ZNF654: variants seen among roughly 807,000 people sequenced by gnomAD.
ZNF654 encodes the protein melanoma-associated antigen.
ZNF654 carries 19 observed loss-of-function variants against 95.3 expected under a neutral mutation model. That is an observed-to-expected ratio of 0.20 (90% CI 0.14 to 0.29). The LOEUF (loss-of-function observed/expected upper bound fraction) is 0.29. ZNF654 is among the 10% of genes least tolerant of loss of function. The pLI is 1.00. For missense variants in ZNF654, 1,046 were observed against 1,341.0 expected (o/e 0.78, Z 3.44); for synonymous variants, 413 against 457.9 (o/e 0.90, Z 1.25).
intron 1 of ZNF654, among the ~76,000 whole-genome samples, chr3:88,064,371 C>T (rs1485100644): frequency 2.6e-5 from 4 of 152,106 alleles, no homozygotes; most frequent in African/African-American, 7.2e-5. Context: ...TTTGATTATA[C>T]CCCGTTTTTG....
intron 6 of ZNF654, among the ~76,000 whole-genome samples, chr3:88,134,813 C>A (rs1443457644): frequency 6.6e-6 from 1 of 151,988 alleles, no homozygotes; most frequent in Non-Finnish European, 1.5e-5. Context: ...CTGGAGACAT[C>A]TTAGGTATGC....
intron 2 of ZNF654, among the ~76,000 whole-genome samples, chr3:88,108,418 G>C (rs1187751895): frequency 4.6e-5 from 7 of 152,078 alleles, no homozygotes; most frequent in Non-Finnish European, 1.0e-4. Flanking sequence ...GTTTTCTTTA[G>C]TTTTGTCTGT....
intron 3 of ZNF654, among the ~76,000 whole-genome samples, chr3:88,122,162 T>A (rs1464812305): frequency 6.6e-6 from 1 of 152,070 alleles, no homozygotes; most frequent in Non-Finnish European, 1.5e-5. Flanking sequence ...AGTGGGATTG[T>A]GTAAAGATAG....
At chr3:88,068,565 T>C (rs1341125274) in intron 1 of ZNF654, among the ~76,000 whole-genome samples, 1 of 152,214 alleles carries the variant, frequency 6.6e-6, no homozygotes, top group Non-Finnish European at 1.5e-5. Context: ...ATATTATAAA[T>C]ACTCTTCCCA....
chr3:88,064,163 C>G lies in ZNF654; in HGVS notation c.186+4658C>G, dbSNP rs547976537. ...CAAAAAATAGCAGTCATGCCCTGTC[C>G]TCTTCCTTTCCTACTTCTTATTCTC... is the stretch of plus-strand genomic sequence containing the variant. On this transcript the variant is annotated intron_variant, in intron 1 of 8. Coordinates refer to ENST00000636215, the MANE Select transcript of ZNF654 (RefSeq NM_001350134.2). 2.0e-5 allele frequency among the ~76,000 whole-genome samples: 3 copies of G among 151,194 alleles called. No individual in the cohort carries two copies. In the East Asian group the frequency reaches 5.8e-4, roughly 29 times the overall value.
intron 2 of ZNF654, among the ~76,000 whole-genome samples, chr3:88,101,257 C>T (rs75329932): frequency 1.1e-4 from 17 of 152,242 alleles, no homozygotes; most frequent in African/African-American, 3.4e-4. Context: ...AGAAAGCTCC[C>T]TCATGCTCAT....
chr3:88,109,860 C>T (rs1439779101), intron 2 of ZNF654, among the ~76,000 whole-genome samples: 1 of 151,894 alleles, frequency 6.6e-6, no homozygotes, highest in Non-Finnish European at 1.5e-5. Context: ...ACATGTTCAA[C>T]AGGAAAAACT....
intron 2 of ZNF654, among the ~76,000 whole-genome samples, chr3:88,098,939 C>T (rs1180040462): frequency 1.3e-5 from 2 of 152,158 alleles, no homozygotes; most frequent in Non-Finnish European, 2.9e-5. Flanking sequence ...CAGGGATGCC[C>T]TCTGTCACTA....
At chr3:88,091,500 T>A (rs1184573752) in intron 2 of ZNF654, among the ~76,000 whole-genome samples, 2 of 152,212 alleles carry the variant, frequency 1.3e-5, no homozygotes, top group Non-Finnish European at 2.9e-5. Context: ...AACTTTAGTG[T>A]TATGTGAAAA....
chr3:88,092,198 A>G (rs1047155231), intron 2 of ZNF654, among the ~76,000 whole-genome samples: 5 of 152,190 alleles, frequency 3.3e-5, no homozygotes, highest in Non-Finnish European at 7.3e-5. Context: ...TAAATCTACA[A>G]TAGTATGTTA....
intron 2 of ZNF654, among the ~76,000 whole-genome samples, chr3:88,107,629 C>T (rs572948244): frequency 3.3e-5 from 5 of 152,214 alleles, no homozygotes; most frequent in African/African-American, 4.8e-5. Context: ...TATACTCCAC[C>T]TCTGTGTTCC....
chr3:88,124,322 G>A (rs1705955098), intron 3 of ZNF654, among the ~76,000 whole-genome samples: 1 of 152,140 alleles, frequency 6.6e-6, no homozygotes, highest in Non-Finnish European at 1.5e-5. Flanking sequence ...ATTGTTGGTA[G>A]GATTTTTGTT....
At chr3:88,134,608 T>TA (rs1313497681) in intron 6 of ZNF654, among the ~76,000 whole-genome samples, 1 of 152,138 alleles carries the variant, frequency 6.6e-6, no homozygotes, top group Non-Finnish European at 1.5e-5. Flanking sequence ...ATACTATACT[T>TA]ACAGTTTTAA....
chr3:88,095,748 C>A (rs1704021180), intron 2 of ZNF654: 3 of 388,588 alleles, frequency 7.7e-6, no homozygotes, highest in South Asian at 6.0e-5. Context: ...GTTATTTTAA[C>A]CCTCCTTCAT....
At chr3:88,085,257 G>A (rs2107658303) in intron 1 of ZNF654, among the ~76,000 whole-genome samples, 1 of 152,230 alleles carries the variant, frequency 6.6e-6, no homozygotes, top group East Asian at 1.9e-4. Flanking sequence ...AAATATTTAA[G>A]GCTTTGTAAG....
intron 4 of ZNF654, among the ~76,000 whole-genome samples, chr3:88,127,708 G>A (rs1164259335): frequency 1.3e-5 from 2 of 152,112 alleles, no homozygotes; most frequent in African/African-American, 4.8e-5. Flanking sequence ...TTGTTCGTTC[G>A]TCTGAGGGCT....
At chr3:88,105,513 A>T (rs867728680) in intron 2 of ZNF654, among the ~76,000 whole-genome samples, 6 of 151,944 alleles carry the variant, frequency 3.9e-5, no homozygotes, top group Middle Eastern at 3.2e-3. Flanking sequence ...CCTCTTTTTG[A>T]ATTTTTGCCA....
At chr3:88,118,830 A>G (rs541340261) in intron 3 of ZNF654, among the ~76,000 whole-genome samples, 3 of 152,258 alleles carry the variant, frequency 2.0e-5, no homozygotes, top group South Asian at 2.1e-4. Flanking sequence ...CAAAACCACA[A>G]TGAGATACCA....
intron 1 of ZNF654, among the ~76,000 whole-genome samples, chr3:88,071,205 G>A (rs1035142090): frequency 1.3e-5 from 2 of 152,102 alleles, no homozygotes; most frequent in Non-Finnish European, 1.5e-5. Context: ...TTATTATCTC[G>A]TTTCTTAAAA....
Sources: gnomAD v4.1 joint callset for allele counts (sites outside exome capture counted in the v4.1 genomes callset) on GRCh38, gnomAD v4.1.1 for gene constraint, MANE v1.5 for transcripts, NCBI Gene and HGNC (gene_info 2026-07-23, HGNC 2026-07-21) for gene names.